NOS1AP: variants seen among roughly 807,000 people sequenced by gnomAD.
The protein encoded by NOS1AP is nitric oxide synthase 1 adaptor protein.
NOS1AP carries 21 observed loss-of-function variants against 56.2 expected under a neutral mutation model. The ratio of observed to expected loss-of-function variants is 0.37; its 90% confidence interval spans 0.26 to 0.54. The LOEUF (loss-of-function observed/expected upper bound fraction) is 0.54. NOS1AP is among the 20% of genes least tolerant of loss of function. NOS1AP has a pLI of 0.84. For synonymous variants in NOS1AP, 270 were observed against 274.6 expected (o/e 0.98, Z 0.17); for missense variants, 522 against 657.8 (o/e 0.79, Z 2.26).
At chr1:162,285,373 C>G (rs1655056902) in intron 2 of NOS1AP, among the ~76,000 whole-genome samples, 1 of 152,204 alleles carries the variant, frequency 6.6e-6, no homozygotes, top group Non-Finnish European at 1.5e-5. Flanking sequence ...CCAAAGTCAG[C>G]CGACTTGCAG....
In NOS1AP at chr1:162,205,529, A is replaced by G. The variant is rs1221425088; in HGVS notation, c.177+51053A>G. ...AGATGCTTCTTGAAAATGGGATTCA[A>G]AGTTAGAGTTTTCCTTCTTTCTAAA... On this transcript the variant is annotated intron_variant, in intron 2 of 9. Transcript: ENST00000361897. Among the ~76,000 whole-genome samples the G allele has an allele frequency of 2.6e-5, 4 of 152,156 alleles. No homozygotes were observed. In the South Asian group the frequency reaches 8.3e-4, roughly 32 times the overall value.
chr1:162,244,316 A>G (rs960919327), intron 2 of NOS1AP, among the ~76,000 whole-genome samples: 2 of 152,142 alleles, frequency 1.3e-5, no homozygotes, highest in Admixed American at 1.3e-4. Flanking sequence ...TTTGAGACAC[A>G]TTCTCAAGGA....
At chr1:162,302,516 T>C (rs1484876403) in intron 4 of NOS1AP, among the ~76,000 whole-genome samples, 1 of 152,192 alleles carries the variant, frequency 6.6e-6, no homozygotes, top group African/African-American at 2.4e-5. Context: ...TTCTTAATGC[T>C]GGCACCATAT....
chr1:162,336,740 A>T (rs1656952330), intron 5 of NOS1AP, among the ~76,000 whole-genome samples: 2 of 152,216 alleles, frequency 1.3e-5, no homozygotes, highest in South Asian at 2.1e-4. Context: ...AAGATACGTG[A>T]GCCTTTCTGG....
At chr1:162,099,626 C>CT (rs1346851849) in intron 1 of NOS1AP, among the ~76,000 whole-genome samples, 1 of 80,646 alleles carries the variant, frequency 1.2e-5, no homozygotes, top group African/African-American at 4.2e-5. Context: ...TGTATGTTTT[C>CT]TTTTTTTTAA....
intron 6 of NOS1AP, among the ~76,000 whole-genome samples, chr1:162,350,335 C>T (rs891806103): frequency 2.0e-5 from 3 of 152,196 alleles, no homozygotes; most frequent in Admixed American, 6.5e-5. Context: ...TGCCTCTTCC[C>T]TCTCTCCCTC....
intron 1 of NOS1AP, among the ~76,000 whole-genome samples, chr1:162,078,099 C>G (rs1318835623): frequency 1.3e-5 from 2 of 152,196 alleles, no homozygotes; most frequent in African/African-American, 4.8e-5. Flanking sequence ...TGTGGCTGTT[C>G]TACCTCCTCC....
rs530944584 is a variant in NOS1AP at position 162,271,318 on chromosome 1, C to A, written c.178-16026C>A. On this transcript the variant is annotated intron_variant, in intron 2 of 9. Transcript: ENST00000361897. ...CCCAGCATGATCCTTGGGATACTAC[C>A]CAGAAGTCCAGTGATGTAGAGAGTG... 2.6e-4 allele frequency among the ~76,000 whole-genome samples: 39 copies of A among 149,466 alleles called. No individual in the cohort carries two copies. In the South Asian group the frequency reaches 4.3e-3, roughly 17 times the overall value.
At chr1:162,315,400 G>A (rs1656197358) in intron 4 of NOS1AP, among the ~76,000 whole-genome samples, 1 of 152,178 alleles carries the variant, frequency 6.6e-6, no homozygotes, top group Non-Finnish European at 1.5e-5. Context: ...CTGTCCTCTG[G>A]CCTGACTGGG....
At chr1:162,359,458 A>G (rs1187992370) in intron 8 of NOS1AP, among the ~76,000 whole-genome samples, 3 of 152,160 alleles carry the variant, frequency 2.0e-5, no homozygotes, top group Non-Finnish European at 4.4e-5. Flanking sequence ...CAGCAGGGAT[A>G]TTGTACATTT....
intron 8 of NOS1AP, chr1:162,360,711 C>T: frequency 2.3e-6 from 1 of 431,814 alleles, no homozygotes; most frequent in South Asian, 1.7e-5. Flanking sequence ...AGCATATGTC[C>T]CTGTGGCTTC....
chr1:162,367,190 C>T lies in NOS1AP; in HGVS notation c.1244C>T (p.Ala415Val), dbSNP rs1344471521. The T allele has an allele frequency of 1.2e-6, 2 of 1,613,718 alleles. No homozygotes were observed. Among genetic ancestry groups the T allele is most frequent in the South Asian group, 1.1e-5 (1 of 91,094 alleles). Residue 415 changes from alanine to valine, a missense_variant, in exon 10 of 10, where the codon GCG becomes GTG. Around this residue, in one of 4 missense-constraint regions of NOS1AP, gnomAD observed 160 missense variants for 180.3 expected, o/e 0.89. Transcript: ENST00000361897. The surrounding 1 kb of genome is among the most constrained non-coding windows in gnomAD (Gnocchi z 6.5). The part of the protein sequence containing the change: ...GAGLADFAHP[A>V]GSPLGRRDCL... ...GGCTTGGCTGACTTTGCCCACCCTGCGGGCAGCCCCTTAGGTAGGCGCGAC... is the reference window on the plus strand; with the variant it reads ...GGCTTGGCTGACTTTGCCCACCCTGTGGGCAGCCCCTTAGGTAGGCGCGAC...
At chr1:162,325,810 C>T (rs550286749) in intron 4 of NOS1AP, among the ~76,000 whole-genome samples, 2 of 151,968 alleles carry the variant, frequency 1.3e-5, no homozygotes, top group African/African-American at 4.8e-5. Context: ...TCATTTCGCT[C>T]TGTGCTGCAG....
At chr1:162,282,039 G>C (rs1338680943) in intron 2 of NOS1AP, among the ~76,000 whole-genome samples, 1 of 152,198 alleles carries the variant, frequency 6.6e-6, no homozygotes, top group Admixed American at 6.5e-5. Flanking sequence ...GGCAGAGGTT[G>C]CAGTGAGCTG....
chr1:162,091,531 C>T (rs1457291510), intron 1 of NOS1AP, among the ~76,000 whole-genome samples: 1 of 152,160 alleles, frequency 6.6e-6, no homozygotes, highest in Non-Finnish European at 1.5e-5. Flanking sequence ...AAATATATTG[C>T]CACCATTTTC....
chr1:162,269,203 GAGTTTGAGAGCCATC>G (rs1475126128), intron 2 of NOS1AP, among the ~76,000 whole-genome samples: 19 of 152,190 alleles, frequency 1.2e-4, no homozygotes, highest in Admixed American at 1.2e-3. Context: ...TAAGCTCATT[GAGTTTGAGAGCCATC>G]AGTCACCTTG....
chr1:162,198,780 G>A (rs370151589), intron 2 of NOS1AP, among the ~76,000 whole-genome samples: 15 of 152,266 alleles, frequency 9.9e-5, no homozygotes, highest in African/African-American at 3.1e-4. Flanking sequence ...TCAAACGGCA[G>A]ACCAGGCATA....
Position 162,300,701 on chromosome 1 carries a change from C to G in NOS1AP, c.339C>G (p.Ile113Met). 1 of 1,613,948 alleles carries G rather than the reference C, an allele frequency of 6.2e-7. No individual in the cohort carries two copies. The highest frequency in any genetic ancestry group is 8.5e-7 in the Non-Finnish European group (1 of 1,179,854). ...ESKMLVMQDPIYRIFYVSHDS... is the reference protein window; with the variant it reads ...ESKMLVMQDPMYRIFYVSHDS... ...AGATGCTGGTGATGCAGGACCCCATCTACAGGTAAGAGCCCAGTCCAGCAC... is the reference window on the plus strand; with the variant it reads ...AGATGCTGGTGATGCAGGACCCCATGTACAGGTAAGAGCCCAGTCCAGCAC... The change falls in exon 4 of 10, where the codon ATC becomes ATG. Residue 113 changes from isoleucine to methionine, a missense_variant. Physicochemically the swap from Ile to Met is conservative, Grantham distance 10. Coordinates refer to ENST00000361897, the MANE Select transcript of NOS1AP (RefSeq NM_014697.3).
At chr1:162,280,591 G>C (rs990124365) in intron 2 of NOS1AP, among the ~76,000 whole-genome samples, 4 of 152,130 alleles carry the variant, frequency 2.6e-5, no homozygotes, top group African/African-American at 9.7e-5. Flanking sequence ...TATTCCAAAT[G>C]GGATTTAGAA....
Sources: gnomAD v4.1 joint callset for allele counts (sites outside exome capture counted in the v4.1 genomes callset) on GRCh38, gnomAD v4.1.1 for gene constraint, gnomAD v4.1.1 regional missense constraint, Gnocchi (gnomAD v3.1) non-coding constraint, MANE v1.5 for transcripts, NCBI Gene and HGNC (gene_info 2026-07-23, HGNC 2026-07-21) for gene names.